ZNF608: variants seen among roughly 807,000 people sequenced by gnomAD.
ZNF608 encodes the protein renal carcinoma antigen NY-REN-36.
In ZNF608, 12 loss-of-function variants were observed where a neutral mutation model predicts 109.0. The observed-to-expected ratio is 0.11, with a 90% confidence interval of 0.07 to 0.18. The LOEUF is 0.18. Among genes scored for constraint, ZNF608 ranks in the 10% least tolerant of loss-of-function variants. The pLI is 1.00. For missense variants in ZNF608, 1,707 were observed against 1,879.3 expected (o/e 0.91, Z 1.70); for synonymous variants, 732 against 717.4 (o/e 1.02, Z -0.33).
chr5:124,666,559 A>AGGGAAAGAAAT (rs1561546578), intron 3 of ZNF608: 1 of 152,130 alleles, frequency 6.6e-6, no homozygotes, highest in Non-Finnish European at 1.5e-5. Flanking sequence ...TCCTAATACA[A>AGGGAAAGAAAT]GGGAAAGAAA....
intron 3 of ZNF608, among the ~76,000 whole-genome samples, chr5:124,673,041 G>A (rs998728546): frequency 4.6e-5 from 7 of 152,076 alleles, no homozygotes; most frequent in East Asian, 1.9e-4. Context: ...AACATAACCC[G>A]AAAGACTGGG....
At chr5:124,725,391 A>T (rs962701073) in intron 2 of ZNF608, among the ~76,000 whole-genome samples, 1 of 152,066 alleles carries the variant, frequency 6.6e-6, no homozygotes, top group Non-Finnish European at 1.5e-5. Flanking sequence ...TATAATAGAC[A>T]TTCAAAAAAA....
Position 124,647,802 on chromosome 5 carries a change from T to C in ZNF608, c.2582A>G (p.Asn861Ser). The C allele has an allele frequency of 6.2e-7, 1 of 1,614,234 alleles. No individual in the cohort carries two copies. Among genetic ancestry groups the C allele is most frequent in the Non-Finnish European group, 8.5e-7 (1 of 1,180,036 alleles). ...GHFLKDHLNK[N>S]EGLANGLSES... Reference sequence around the variant, plus strand: ...CGACAGTCCATTTGCCAGCCCTTCATTCTTGTTGAGATGATCCTTTAAAAA... The same window carrying C: ...CGACAGTCCATTTGCCAGCCCTTCACTCTTGTTGAGATGATCCTTTAAAAA... Residue 861 changes from asparagine (N) to serine (S), a missense_variant, in exon 5 of 10, where the codon AAT (asparagine) becomes AGT (serine). This residue lies in a region of ZNF608 where 1,073 missense variants were observed against 1,133.5 expected (regional missense o/e 0.95). Coordinates refer to ENST00000513986, the MANE Select transcript of ZNF608 (RefSeq NM_020747.3).
chr5:124,652,877 A>G (rs761095785), intron 3 of ZNF608, among the ~76,000 whole-genome samples: 1 of 152,214 alleles, frequency 6.6e-6, no homozygotes, highest in Non-Finnish European at 1.5e-5. Flanking sequence ...ATAAAGTTCT[A>G]TTTCTCACAT....
In ZNF608 at chr5:124,646,787, T is replaced by G. The variant is rs1193767608; in HGVS notation, c.3597A>C (p.Lys1199Asn). ...GCTGGTGGTTTTCCATCTGCTTAGC[T>G]TTGAAGCTGTCGGCCTGAAGCTGCT... ...HQQQLQADSFKAKQMENHQLI... is the reference protein window; with the variant it reads ...HQQQLQADSFNAKQMENHQLI... The change falls in exon 5 of 10, where the codon AAA (lysine) becomes AAC (asparagine). Residue 1199 changes from lysine (K) to asparagine (N), a missense_variant. By Grantham distance (94) the Lys-to-Asn change is moderately conservative. Around this residue, in one of 7 missense-constraint regions of ZNF608, gnomAD observed 1,073 missense variants for 1,133.5 expected, o/e 0.95. Coordinates refer to ENST00000513986, the MANE Select transcript of ZNF608 (RefSeq NM_020747.3). 3.7e-6 allele frequency: 6 copies of G among 1,614,252 alleles called. No homozygotes were observed. Among genetic ancestry groups the G allele is most frequent in the Non-Finnish European group, 4.2e-6 (5 of 1,180,040 alleles).
In ZNF608 at chr5:124,744,053, T is replaced by G. The variant is rs771789574; in HGVS notation, c.906+31A>C. 1.9e-6 allele frequency: 3 copies of G among 1,553,240 alleles called. No individual in the cohort carries two copies. The highest frequency in any genetic ancestry group is 2.6e-6 in the Non-Finnish European group (3 of 1,149,634). On this transcript the variant is annotated intron_variant, in intron 2 of 9. Coordinates refer to ENST00000513986, the MANE Select transcript of ZNF608 (RefSeq NM_020747.3). The surrounding 1 kb of genome is among the most constrained non-coding windows in gnomAD (Gnocchi z 4.5). ...CCACACAAATGCACACAGAGGAGAGTAGGACATCTAGGAAGGCGACTTTAT... is the reference window on the plus strand; with the variant it reads ...CCACACAAATGCACACAGAGGAGAGGAGGACATCTAGGAAGGCGACTTTAT...
In ZNF608 at chr5:124,653,268, G is replaced by A. The variant is rs184088083; in HGVS notation, c.1163-3571C>T. ...CCTACAGAACATTTAATAAGAACAA[G>A]GTCTTTATTATATAACCTGAGCCTG... On this transcript the variant is annotated intron_variant, in intron 3 of 9. Transcript: ENST00000513986. Among the ~76,000 whole-genome samples the A allele has an allele frequency of 4.5e-4, 68 of 152,276 alleles. 1 individual carries two copies. Among genetic ancestry groups the A allele is most frequent in the Admixed American group, 6.5e-4 (10 of 15,298 alleles).
chr5:124,647,878 G>A lies in ZNF608; in HGVS notation c.2506C>T (p.Leu836=), dbSNP rs1460019434. ...ETGSPKMDAK[L]GKLEDSKGAS... ...CCCTTGGAGTCCTCTAGTTTCCCCA[G>A]CTTGGCATCCATTTTTGGGCTTCCC... The change falls in exon 5 of 10, where the codon CTG becomes TTG. Residue 836 remains leucine (L), a synonymous_variant. Transcript: ENST00000513986. 1 of 1,614,160 alleles carries A rather than the reference G, an allele frequency of 6.2e-7. No homozygotes were observed. The highest frequency in any genetic ancestry group is 1.1e-5 in the South Asian group (1 of 91,082).
At position 124,696,491 on chromosome 5, in the gene ZNF608, T is replaced by C. The variant is rs183989569; in HGVS notation, c.1162+4523A>G. ...TAATACTATGGGGTTCTGAGTCATC[T>C]AAAAAATAATTCAGCAGAGGCCACA... On this transcript the variant is annotated intron_variant, in intron 3 of 9. Transcript: ENST00000513986. Among the ~76,000 whole-genome samples, 13 of 152,306 alleles carry C rather than the reference T, an allele frequency of 8.5e-5. No individual in the cohort carries two copies. In the East Asian group the frequency reaches 1.2e-3, roughly 14 times the overall value.
chr5:124,719,627 G>A lies in ZNF608; in HGVS notation c.907-18358C>T, dbSNP rs377469487. 1.9e-4 allele frequency among the ~76,000 whole-genome samples: 29 copies of A among 152,238 alleles called. No homozygotes were observed. In the East Asian group the frequency reaches 4.8e-3, roughly 25 times the overall value. On this transcript the variant is annotated intron_variant, in intron 2 of 9. Transcript: ENST00000513986. Reference sequence around the variant, plus strand: ...CCCCTAAGTCAGTTACTTAATTCAAGGGCTTGTTGACAAGCAATGGTTAAA... The same window carrying A: ...CCCCTAAGTCAGTTACTTAATTCAAAGGCTTGTTGACAAGCAATGGTTAAA...
chr5:124,678,819 C>T (rs1262134827), intron 3 of ZNF608, among the ~76,000 whole-genome samples: 2 of 152,080 alleles, frequency 1.3e-5, no homozygotes, highest in African/African-American at 4.8e-5. Context: ...TGGTTGCCCT[C>T]AGATATGAAA....
chr5:124,639,223 G>GA lies in ZNF608; in HGVS notation c.4451-10dup. ...GGCAGCAGAGGTCAAGCCTAATGGG[G>GA]AAAAAATGTAGAGTGTCTGTGATCT... On this transcript the variant is annotated splice_polypyrimidine_tract_variant and intron_variant, in intron 8 of 9. Coordinates refer to ENST00000513986, the MANE Select transcript of ZNF608 (RefSeq NM_020747.3). 2.5e-6 allele frequency: 4 copies of GA among 1,613,632 alleles called. No homozygotes were observed. The highest frequency in any genetic ancestry group is 2.5e-6 in the Non-Finnish European group (3 of 1,179,606).
rs1241549497 is a variant in ZNF608 at position 124,744,026 on chromosome 5, A to C, written c.906+58T>G. 1.5e-5 allele frequency: 23 copies of C among 1,529,170 alleles called. No homozygotes were observed. The highest frequency in any genetic ancestry group is 2.0e-5 in the Non-Finnish European group (23 of 1,139,412). The allele number at this position is 1,529,170 out of a possible 1,614,324, so 94.7% of individuals were successfully genotyped here. A position where few individuals can be genotyped will look rare whatever the true frequency, so the allele number is the denominator to read the frequency against. Reference sequence around the variant, plus strand: ...GGCACACAGAGGCACACCCCCACACACCCACACAAATGCACACAGAGGAGA... The same window carrying C: ...GGCACACAGAGGCACACCCCCACACCCCCACACAAATGCACACAGAGGAGA... On this transcript the variant is annotated intron_variant, in intron 2 of 9. Transcript: ENST00000513986. The surrounding 1 kb of genome is among the most constrained non-coding windows in gnomAD (Gnocchi z 4.5).
chr5:124,725,651 C>T lies in ZNF608; in HGVS notation c.906+18433G>A, dbSNP rs188579148. ...TAATCCCTTAACACAGCAACAATAC[C>T]CTGCACAGTGATAAAATGAAAACGC... On this transcript the variant is annotated intron_variant, in intron 2 of 9. Coordinates refer to ENST00000513986, the MANE Select transcript of ZNF608 (RefSeq NM_020747.3). Among the ~76,000 whole-genome samples, 366 of 151,974 alleles carry T rather than the reference C, an allele frequency of 2.4e-3. 1 individual carries two copies. Among genetic ancestry groups the T allele is most frequent in the African/African-American group, 8.7e-3 (359 of 41,426 alleles).
chr5:124,695,687 G>A (rs889865190), intron 3 of ZNF608, among the ~76,000 whole-genome samples: 1 of 151,928 alleles, frequency 6.6e-6, no homozygotes, highest in Non-Finnish European at 1.5e-5. Context: ...AGGACCACCT[G>A]AGCCCAGGAG....
intron 3 of ZNF608, among the ~76,000 whole-genome samples, chr5:124,654,514 A>G (rs992098084): frequency 1.3e-5 from 2 of 152,200 alleles, no homozygotes; most frequent in African/African-American, 2.4e-5. Flanking sequence ...TGCCCTAGAC[A>G]CACGCATACC....
At chr5:124,657,812 T>A (rs6881379) in intron 3 of ZNF608, among the ~76,000 whole-genome samples, 95,051 of 152,100 alleles carry the variant, frequency 0.62, 30,242 homozygotes, top group East Asian at 0.74. Flanking sequence ...ACAAAATGTC[T>A]TAGGTGTAAT....
intron 2 of ZNF608, among the ~76,000 whole-genome samples, chr5:124,740,131 T>C (rs1749322354): frequency 6.6e-6 from 1 of 152,164 alleles, no homozygotes; most frequent in Admixed American, 6.5e-5. Flanking sequence ...ACAATCTTGA[T>C]CAGTTATGCA....
At chr5:124,725,998 C>T (rs1754122253) in intron 2 of ZNF608, among the ~76,000 whole-genome samples, 1 of 152,146 alleles carries the variant, frequency 6.6e-6, no homozygotes, top group Admixed American at 6.6e-5. Context: ...AATCCAAGCA[C>T]TCTAATCAAA....
Sources: gnomAD v4.1 joint callset for allele counts (sites outside exome capture counted in the v4.1 genomes callset) on GRCh38, gnomAD v4.1.1 for gene constraint, gnomAD v4.1.1 regional missense constraint, Gnocchi (gnomAD v3.1) non-coding constraint, MANE v1.5 for transcripts, NCBI Gene and HGNC (gene_info 2026-07-23, HGNC 2026-07-21) for gene names.